Variants in ASPSCR1 observed in about 807,000 individuals in gnomAD.
ASPSCR1 encodes the protein ASPSCR1 tether for SLC2A4, UBX domain containing.
ASPSCR1 carries 55 observed loss-of-function variants against 68.9 expected under a neutral mutation model. The ratio of observed to expected loss-of-function variants is 0.80; its 90% CI spans 0.64 to 1.00. ASPSCR1 has a LOEUF of 1.00. Among genes scored for constraint, ASPSCR1 ranks in the 50% least tolerant of loss-of-function variants. ASPSCR1 has a pLI of 0.00. For synonymous variants in ASPSCR1, 352 were observed against 332.6 expected, an observed-to-expected ratio of 1.06 and a Z score of -0.63; for missense variants, 765 against 762.2, an observed-to-expected ratio of 1.00 and a Z score of -0.04.
At position 82,016,852 on chromosome 17, in the gene ASPSCR1, C is replaced by T. The variant is rs138723012; in HGVS notation, c.1458C>T (p.Ala486=). The change falls in exon 14 of 16, where the codon GCC becomes GCT. Residue 486 remains alanine (A), a synonymous_variant. Coordinates refer to ENST00000306739, the MANE Select transcript of ASPSCR1 (RefSeq NM_024083.4). ...LLEHAISPSA[A]DVLVARYMSR... Reference sequence around the variant, plus strand: ...AGCATGCCATCTCCCCATCTGCGGCCGATGTGCTGGTGGCCAGGTAAGTGC... The same window carrying T: ...AGCATGCCATCTCCCCATCTGCGGCTGATGTGCTGGTGGCCAGGTAAGTGC... The T allele has an allele frequency of 9.2e-5, 148 of 1,612,226 alleles. No individual in the cohort carries two copies. The highest frequency in any genetic ancestry group is 8.9e-5 in the Non-Finnish European group (105 of 1,179,970).
chr17:82,012,505 A>G (rs568973771), intron 12 of ASPSCR1, among the ~76,000 whole-genome samples: 7 of 152,266 alleles, frequency 4.6e-5, no homozygotes, highest in African/African-American at 1.7e-4. Context: ...CGGGTGGGAA[A>G]GGACCTGCTA....
Position 82,011,542 on chromosome 17 carries a change from G to T in ASPSCR1, c.1238-1G>T, listed in dbSNP as rs896085963. On this transcript the variant is annotated splice_acceptor_variant, in intron 10 of 15. Coordinates refer to ENST00000306739, the MANE Select transcript of ASPSCR1 (RefSeq NM_024083.4). LOFTEE classifies it high-confidence loss of function. ...CTGTATGTTCTTTTTCTCCTCTGCA[G>T]TGGGGGACTTGCGAGACTTCGTGAG... The T allele has an allele frequency of 1.1e-5, 17 of 1,583,270 alleles. No individual in the cohort carries two copies. Among genetic ancestry groups the T allele is most frequent in the African/African-American group, 1.4e-5 (1 of 72,330 alleles).
At chr17:81,984,938 C>T (rs1199806174) in intron 3 of ASPSCR1, among the ~76,000 whole-genome samples, 27 of 125,130 alleles carry the variant, frequency 2.2e-4, no homozygotes, top group Admixed American at 9.6e-4. Context: ...CCCCCACACC[C>T]GCACACACCC....
At chr17:82,001,583 CG>C (rs1410420520) in intron 7 of ASPSCR1, among the ~76,000 whole-genome samples, 2 of 152,086 alleles carry the variant, frequency 1.3e-5, no homozygotes, top group African/African-American at 4.8e-5. Context: ...TGAGGAACCC[CG>C]GGGGGTAGGG....
Position 81,994,888 on chromosome 17 carries a change from C to T in ASPSCR1, c.432+10C>T, listed in dbSNP as rs369415476. 6.2e-7 allele frequency: 1 copy of T among 1,608,074 alleles called. No individual in the cohort carries two copies. Among genetic ancestry groups the T allele is most frequent in the Non-Finnish European group, 8.5e-7 (1 of 1,176,728 alleles). ...GTACACGAGGGATGAGGTAGGCGGCCTGCTCTTGCTCACCCAGTCCCCGCT... is the reference window on the plus strand; with the variant it reads ...GTACACGAGGGATGAGGTAGGCGGCTTGCTCTTGCTCACCCAGTCCCCGCT... On this transcript the variant is annotated intron_variant, in intron 5 of 15. Transcript: ENST00000306739.
intron 12 of ASPSCR1, chr17:82,014,749 G>A: frequency 2.4e-6 from 1 of 416,844 alleles, no homozygotes; most frequent in East Asian, 4.7e-5. Context: ...CTGCCCCGTG[G>A]GGGTTGACGT....
At chr17:81,988,967 G>A (rs934725698) in intron 4 of ASPSCR1, among the ~76,000 whole-genome samples, 11 of 152,182 alleles carry the variant, frequency 7.2e-5, no homozygotes, top group Non-Finnish European at 1.6e-4. Context: ...CAGCACTTTG[G>A]GAGGCTGAGG....
chr17:81,997,434 G>T (rs2042388109), intron 7 of ASPSCR1, among the ~76,000 whole-genome samples: 1 of 151,946 alleles, frequency 6.6e-6, no homozygotes, highest in Non-Finnish European at 1.5e-5. Flanking sequence ...TACCTGAGCA[G>T]GGTCACTGGG....
At chr17:82,011,326 G>T (rs2042933318) in intron 10 of ASPSCR1, among the ~76,000 whole-genome samples, 1 of 152,082 alleles carries the variant, frequency 6.6e-6, no homozygotes, top group South Asian at 2.1e-4. Context: ...GCAGCGGGTG[G>T]CAGTGGGAGT....
Position 82,016,485 on chromosome 17 carries a change from T to C in ASPSCR1, c.1363T>C (p.Phe455Leu), listed in dbSNP as rs897246720. The C allele has an allele frequency of 7.7e-6, 12 of 1,548,682 alleles. No homozygotes were observed. Among genetic ancestry groups the C allele is most frequent in the Non-Finnish European group, 1.0e-5 (12 of 1,147,130 alleles). Residue 455 changes from phenylalanine to leucine, a missense_variant, in exon 13 of 16, where the codon TTC (phenylalanine) becomes CTC (leucine). By Grantham distance (22) the Phe-to-Leu change is conservative (BLOSUM62 0). Transcript: ENST00000306739. ...CCCGCCCTCCCTGCAGGCGAACCTC[T>C]TCCCGGCCGCTCTGGTGCACTTGGG... The part of the protein sequence containing the change: ...HTQTLFQANL[F>L]PAALVHLGAE...
intron 7 of ASPSCR1, among the ~76,000 whole-genome samples, chr17:82,003,722 G>T (rs542760509): frequency 8.5e-5 from 13 of 152,380 alleles, no homozygotes; most frequent in Non-Finnish European, 1.6e-4. Context: ...CTTTGTGCAT[G>T]CCTGTCCACG....
At chr17:82,002,827 G>A (rs1047771105) in intron 7 of ASPSCR1, among the ~76,000 whole-genome samples, 6 of 152,034 alleles carry the variant, frequency 3.9e-5, no homozygotes, top group Non-Finnish European at 8.8e-5. Flanking sequence ...CAAATTGTTA[G>A]GATTACAGGC....
At chr17:82,015,379 C>T (rs1598438763) in intron 12 of ASPSCR1, 1 of 1,589,776 alleles carries the variant, frequency 6.3e-7, no homozygotes, top group Non-Finnish European at 8.5e-7. Context: ...GCTCAGTGCT[C>T]CCTGCACAGA....
At position 81,983,500 on chromosome 17, in the gene ASPSCR1, G is replaced by GCGGGGCGTGGATGA; in HGVS notation, c.159-53_159-52insGGGGCGTGGATGAC. 2.1e-6 allele frequency: 3 copies of GCGGGGCGTGGATGA among 1,438,234 alleles called. No homozygotes were observed. The highest frequency in any genetic ancestry group is 2.9e-6 in the Non-Finnish European group (3 of 1,038,816). The allele number at this position is 1,438,234 out of a possible 1,614,324, so 89.1% of individuals were successfully genotyped here. A position where few individuals can be genotyped will look rare whatever the true frequency, so the allele number is the denominator to read the frequency against. ...GGACGGGGATGGCGGGGCGTGGATG[G>GCGGGGCGTGGATGA]CAGGGCGTGTCAGGCTCTGCAGGGC... On this transcript the variant is annotated intron_variant, in intron 2 of 15. Transcript: ENST00000306739. This position sits in a 1 kb window ranked among gnomAD's most constrained non-coding sequence, Gnocchi z 4.4.
intron 4 of ASPSCR1, among the ~76,000 whole-genome samples, chr17:81,991,737 C>T (rs990161015): frequency 3.9e-5 from 6 of 152,226 alleles, no homozygotes; most frequent in African/African-American, 7.2e-5. Context: ...ATGCCCTCTG[C>T]GGGCCTCCCT....
chr17:82,013,201 C>T (rs966941308), intron 12 of ASPSCR1: 2 of 152,234 alleles, frequency 1.3e-5, no homozygotes, highest in Non-Finnish European at 1.5e-5. Flanking sequence ...TCTCAGCCCC[C>T]GAGCTGCCGG....
chr17:81,998,757 C>T (rs1176372800), intron 7 of ASPSCR1, among the ~76,000 whole-genome samples: 1 of 152,248 alleles, frequency 6.6e-6, no homozygotes, highest in Non-Finnish European at 1.5e-5. Context: ...TCACCTGGCT[C>T]ACAAGGGAGC....
Position 81,977,830 on chromosome 17 carries a change from G to T in ASPSCR1, c.102+82G>T, listed in dbSNP as rs1055532790. On this transcript the variant is annotated intron_variant, in intron 1 of 15. Transcript: ENST00000306739. This position sits in a 1 kb window ranked among gnomAD's most constrained non-coding sequence, Gnocchi z 5.0. ...CCCCGCCCATTGCGGTCGGCGTCCC[G>T]GTGTTCGGGGGCGGGGCCTCGGCGG... 8 of 1,071,950 alleles carry T rather than the reference G, an allele frequency of 7.5e-6. No homozygotes were observed. The East Asian group carries it at 2.2e-4, about 30-fold the overall frequency. The allele number at this position is 1,071,950 out of a possible 1,614,324, so 66.4% of individuals were successfully genotyped here. A position where few individuals can be genotyped will look rare whatever the true frequency, so the allele number is the denominator to read the frequency against.
intron 2 of ASPSCR1, 137 bp downstream of exon 2, chr17:81,979,376 G>A: frequency 1.1e-6 from 1 of 918,150 alleles, no homozygotes. Flanking sequence ...GGAGACCCAA[G>A]GCCTTGGCAG....
Sources: gnomAD v4.1 joint callset for allele counts (sites outside exome capture counted in the v4.1 genomes callset) on GRCh38, gnomAD v4.1.1 for gene constraint, Gnocchi (gnomAD v3.1) non-coding constraint, MANE v1.5 for transcripts, NCBI Gene and HGNC (gene_info 2026-07-23, HGNC 2026-07-21) for gene names.